Variants in FAM156A observed in about 807,000 individuals in gnomAD.
The protein encoded by FAM156A is family with sequence similarity 156 member A, also known as protein FAM156A/FAM156B.
chrX:52,988,609 C>A (rs1248809510), intron 1 of FAM156A, among the ~76,000 whole-genome samples: 1 of 112,421 alleles, frequency 8.9e-6, no homozygotes, highest in African/African-American at 3.2e-5. Flanking sequence ...AATTTGCCCA[C>A]CAGACAGGTT....
At chrX:52,979,136 G>A (rs182931249) in intron 1 of FAM156A, among the ~76,000 whole-genome samples, 41 of 111,899 alleles carry the variant, frequency 3.7e-4, no homozygotes, top group African/African-American at 1.3e-3. Context: ...AGTAACACAG[G>A]ACAAGATGAG....
At chrX:52,981,653 T>C (rs1929918869) in intron 1 of FAM156A, among the ~76,000 whole-genome samples, 1 of 111,420 alleles carries the variant, frequency 9.0e-6, no homozygotes, top group Non-Finnish European at 1.9e-5. Context: ...TGACACCAGT[T>C]CCTCCTCTTC....
chrX:52,986,979 C>T (rs782148915), intron 1 of FAM156A, among the ~76,000 whole-genome samples: 27 of 112,027 alleles, frequency 2.4e-4, no homozygotes, highest in African/African-American at 8.4e-4. Context: ...AAATACTTCT[C>T]GAATGAACAA....
intron 1 of FAM156A, among the ~76,000 whole-genome samples, chrX:52,975,225 C>T (rs1929372240): frequency 9.0e-6 from 1 of 111,404 alleles, no homozygotes; most frequent in Non-Finnish European, 1.9e-5. Context: ...AAAGATGCCA[C>T]GGCATGATGC....
At chrX:52,993,331 G>A (rs1930915138) in intron 1 of FAM156A, among the ~76,000 whole-genome samples, 2 of 109,339 alleles carry the variant, frequency 1.8e-5, no homozygotes, top group Non-Finnish European at 3.8e-5. Flanking sequence ...CACCTCTCCA[G>A]GGATGCCTTC....
intron 1 of FAM156A, among the ~76,000 whole-genome samples, chrX:52,990,853 A>AAAGAT (rs1556795417): frequency 2.2e-4 from 24 of 109,431 alleles, no homozygotes; most frequent in African/African-American, 6.8e-4. Flanking sequence ...AAAGAAAAGA[A>AAAGAT]AAGATGCTGG....
intron 1 of FAM156A, among the ~76,000 whole-genome samples, chrX:52,979,264 G>A (rs1929696092): frequency 1.8e-5 from 2 of 110,926 alleles, no homozygotes; most frequent in Non-Finnish European, 3.8e-5. Context: ...CTCTTCATGG[G>A]CAGTGAATGA....
At chrX:52,974,962 T>G (rs1929336100) in intron 1 of FAM156A, among the ~76,000 whole-genome samples, 1 of 109,911 alleles carries the variant, frequency 9.1e-6, no homozygotes, top group Non-Finnish European at 1.9e-5. Context: ...GCAAAGGCAG[T>G]TAGCTCCTCA....
At chrX:52,983,165 A>T (rs1219558414) in intron 1 of FAM156A, among the ~76,000 whole-genome samples, 4 of 112,069 alleles carry the variant, frequency 3.6e-5, no homozygotes, top group African/African-American at 1.3e-4. Flanking sequence ...AGATGGGAGG[A>T]TTGCTTGAAC....
intron 1 of FAM156A, among the ~76,000 whole-genome samples, chrX:52,987,976 C>A (rs782319876): frequency 8.9e-6 from 1 of 111,866 alleles, no homozygotes; most frequent in East Asian, 2.8e-4. Context: ...AGGGGTCGAG[C>A]GCAGTGGCTC....
At chrX:52,991,420 GA>G (rs1930764081) in intron 1 of FAM156A, among the ~76,000 whole-genome samples, 1 of 111,173 alleles carries the variant, frequency 9.0e-6, no homozygotes, top group Admixed American at 9.6e-5. Context: ...CGAGGGATCG[GA>G]CAATGCCCAC....
intron 1 of FAM156A, among the ~76,000 whole-genome samples, chrX:52,976,798 ACT>A (rs1556792344): frequency 9.0e-6 from 1 of 110,836 alleles, no homozygotes; most frequent in Non-Finnish European, 1.9e-5. Flanking sequence ...CCTGGTATTG[ACT>A]CATCACCCTG....
chrX:52,980,441 T>A (rs1556793161), intron 1 of FAM156A, among the ~76,000 whole-genome samples: 1 of 111,790 alleles, frequency 8.9e-6, no homozygotes, highest in African/African-American at 3.2e-5. Flanking sequence ...TAAACTGAAC[T>A]TCTCTTTGCA....
chrX:52,986,740 C>T (rs781991629), intron 1 of FAM156A, among the ~76,000 whole-genome samples: 1 of 111,461 alleles, frequency 9.0e-6, no homozygotes, highest in Non-Finnish European at 1.9e-5. Context: ...AAATCCTACA[C>T]CTTATATTAT....
intron 1 of FAM156A, among the ~76,000 whole-genome samples, chrX:52,987,527 C>T (rs1295365095): frequency 1.8e-5 from 2 of 109,672 alleles, no homozygotes; most frequent in African/African-American, 6.7e-5. Context: ...TGCTGGTGTA[C>T]ACCTGTAGTC....
At chrX:52,975,372 G>A (rs782195825) in intron 1 of FAM156A, among the ~76,000 whole-genome samples, 15 of 111,765 alleles carry the variant, frequency 1.3e-4, no homozygotes, top group Non-Finnish European at 1.9e-4. Flanking sequence ...AGTCATTCCC[G>A]CACACACCTC....
intron 1 of FAM156A, among the ~76,000 whole-genome samples, chrX:52,990,807 A>AAAGAAAAG (rs1438293772): frequency 6.3e-5 from 5 of 79,433 alleles, no homozygotes; most frequent in African/African-American, 2.5e-4. Flanking sequence ...GAAAGAAAAG[A>AAAGAAAAG]AAAGAAAAGA....
At chrX:52,982,832 T>A (rs1166259452) in intron 1 of FAM156A, among the ~76,000 whole-genome samples, 5 of 113,233 alleles carry the variant, frequency 4.4e-5, no homozygotes, top group African/African-American at 1.6e-4. Flanking sequence ...TTTGTCTCTA[T>A]CATTTATTTC....
intron 1 of FAM156A, among the ~76,000 whole-genome samples, chrX:52,973,286 T>C: frequency 9.2e-6 from 1 of 108,861 alleles, no homozygotes; most frequent in Non-Finnish European, 1.9e-5. Context: ...AGAAAATAAC[T>C]ACAGCAACAA....
Sources: gnomAD v4.1 joint callset for allele counts (sites outside exome capture counted in the v4.1 genomes callset) on GRCh38, gnomAD v4.1.1 for gene constraint, MANE v1.5 for transcripts, NCBI Gene and HGNC (gene_info 2026-07-23, HGNC 2026-07-21) for gene names.